Variants in LHCGR observed in about 807,000 individuals in gnomAD.
LHCGR encodes lutropin-choriogonadotropic hormone receptor.
Under a neutral mutation model 60.7 loss-of-function variants are expected in LHCGR, and 55 were observed. That is an observed-to-expected ratio of 0.91 (90% confidence interval 0.73 to 1.13). The LOEUF is 1.13. LHCGR is among the 50% of genes most tolerant of loss of function. The pLI is 0.00. For missense variants in LHCGR, 862 were observed against 836.0 expected (o/e 1.03, Z -0.38); for synonymous variants, 337 against 316.5 (o/e 1.06, Z -0.69).
intron 1 of LHCGR, among the ~76,000 whole-genome samples, chr2:48,754,507 A>G (rs4073656): frequency 0.41 from 62,588 of 151,428 alleles, 13,563 homozygotes; most frequent in Middle Eastern, 0.5. Flanking sequence ...TAAATCCTAC[A>G]CTATAGAATT....
rs747763611 is a variant in LHCGR at position 48,687,774 on chromosome 2, G to T, written c.2023C>A (p.Gln675Lys). The change falls in exon 11 of 11, where the codon CAA becomes AAA. Residue 675 changes from glutamine (Q) to lysine (K), a missense_variant. Physicochemically the swap from Gln to Lys is moderately conservative, Grantham distance 53. Transcript: ENST00000294954. ...AATGTGGACAACTTCAAGGTGGATT[G>T]AGAAGGCTTATTTGATCCAGTGAAG... ...NGFTGSNKPS[Q>K]STLKLSTLHC... The T allele has an allele frequency of 8.1e-6, 13 of 1,614,008 alleles. No homozygotes were observed. The East Asian group carries it at 2.9e-4, about 36-fold the overall frequency.
intron 7 of LHCGR, among the ~76,000 whole-genome samples, chr2:48,710,773 T>C (rs182594343): frequency 1.2e-3 from 187 of 152,336 alleles, no homozygotes; most frequent in African/African-American, 4.4e-3. Flanking sequence ...AGTCAGGTGT[T>C]TGCGAACTTT....
chr2:48,741,194 A>G (rs565774302), intron 1 of LHCGR, among the ~76,000 whole-genome samples: 21 of 152,322 alleles, frequency 1.4e-4, no homozygotes, highest in African/African-American at 4.8e-4. Flanking sequence ...GACTATGTGA[A>G]AAGACCAAAT....
intron 8 of LHCGR, among the ~76,000 whole-genome samples, chr2:48,701,915 C>T (rs1326364590): frequency 7.2e-5 from 11 of 152,144 alleles, no homozygotes; most frequent in Middle Eastern, 3.2e-3. Flanking sequence ...TATTGCTTTG[C>T]GTTTGTTGTT....
At chr2:48,726,066 C>T (rs1036028730) in intron 3 of LHCGR, among the ~76,000 whole-genome samples, 1 of 152,088 alleles carries the variant, frequency 6.6e-6, no homozygotes, top group Non-Finnish European at 1.5e-5. Flanking sequence ...GGCTCCTGGC[C>T]AAGCAGATTC....
At chr2:48,715,843 C>T (rs1020657804) in intron 6 of LHCGR, among the ~76,000 whole-genome samples, 4 of 152,118 alleles carry the variant, frequency 2.6e-5, no homozygotes, top group African/African-American at 9.7e-5. Flanking sequence ...CTTAAGTCTC[C>T]TCGTTAGAGT....
At chr2:48,720,610 CA>C (rs1259225969) in intron 6 of LHCGR, 1 of 152,244 alleles carries the variant, frequency 6.6e-6, no homozygotes, top group Non-Finnish European at 1.5e-5. Flanking sequence ...ATTCCTTAAA[CA>C]GCATGTTTAC....
chr2:48,749,962 G>C (rs767840660), intron 1 of LHCGR, among the ~76,000 whole-genome samples: 2 of 152,208 alleles, frequency 1.3e-5, no homozygotes, highest in African/African-American at 2.4e-5. Context: ...AGGAGTCTGT[G>C]TATCAGCAAG....
At chr2:48,734,178 TA>T in intron 1 of LHCGR, among the ~76,000 whole-genome samples, 1 of 152,314 alleles carries the variant, frequency 6.6e-6, no homozygotes, top group African/African-American at 2.4e-5. Context: ...GGAGAGCCTG[TA>T]GAAGTGAGAG....
intron 6 of LHCGR, among the ~76,000 whole-genome samples, chr2:48,714,740 T>TACAC (rs113272578): frequency 2.8e-4 from 42 of 151,884 alleles, no homozygotes; most frequent in African/African-American, 7.7e-4. Context: ...TACCTATAAA[T>TACAC]ACACACACAC....
intron 8 of LHCGR, among the ~76,000 whole-genome samples, chr2:48,701,643 C>G (rs1478651166): frequency 6.6e-6 from 1 of 152,128 alleles, no homozygotes; most frequent in Non-Finnish European, 1.5e-5. Flanking sequence ...TGAGTTTTCT[C>G]CTCTACAACC....
At chr2:48,742,087 G>T (rs894593502) in intron 1 of LHCGR, among the ~76,000 whole-genome samples, 18 of 151,828 alleles carry the variant, frequency 1.2e-4, no homozygotes, top group Non-Finnish European at 2.6e-4. Flanking sequence ...GATCAAAAGA[G>T]ACAAAAAAGG....
chr2:48,748,905 G>A (rs1359486169), intron 1 of LHCGR, among the ~76,000 whole-genome samples: 1 of 152,150 alleles, frequency 6.6e-6, no homozygotes, highest in Non-Finnish European at 1.5e-5. Context: ...TGCCCAGTCT[G>A]TCCTGTTGAT....
intron 8 of LHCGR, among the ~76,000 whole-genome samples, chr2:48,708,329 C>T (rs955577444): frequency 6.6e-6 from 1 of 152,102 alleles, no homozygotes; most frequent in African/African-American, 2.4e-5. Flanking sequence ...GGGTAGCCAG[C>T]CTCTTTGCCA....
chr2:48,725,886 G>A (rs536802831), intron 3 of LHCGR, 136 bp from the exon 4 acceptor site: 1 of 740,088 alleles, frequency 1.4e-6, no homozygotes, highest in East Asian at 2.6e-5. Flanking sequence ...ATGCTTGGGA[G>A]GACCCCTAGC....
chr2:48,713,931 G>T, intron 7 of LHCGR, 55 bp downstream of exon 7: 2 of 1,293,376 alleles, frequency 1.5e-6, no homozygotes, highest in Non-Finnish European at 2.2e-6. Context: ...TGATCTTGTA[G>T]CCAGAGTAAT....
At chr2:48,711,647 A>G (rs946187458) in intron 7 of LHCGR, among the ~76,000 whole-genome samples, 1 of 152,098 alleles carries the variant, frequency 6.6e-6, no homozygotes, top group Non-Finnish European at 1.5e-5. Flanking sequence ...ACACAGACAT[A>G]CTGTGTTGGT....
At chr2:48,699,406 C>T (rs1030640149) in intron 8 of LHCGR, among the ~76,000 whole-genome samples, 1 of 152,126 alleles carries the variant, frequency 6.6e-6, no homozygotes, top group East Asian at 1.9e-4. Context: ...CTCTTCCTCC[C>T]CACCCTCTCT....
At chr2:48,727,765 G>T (rs916260259) in intron 3 of LHCGR, among the ~76,000 whole-genome samples, 1 of 152,220 alleles carries the variant, frequency 6.6e-6, no homozygotes, top group East Asian at 1.9e-4. Flanking sequence ...TGGCTACACT[G>T]TCATCTCATG....
Sources: gnomAD v4.1 joint callset for allele counts (sites outside exome capture counted in the v4.1 genomes callset) on GRCh38, gnomAD v4.1.1 for gene constraint, MANE v1.5 for transcripts, NCBI Gene and HGNC (gene_info 2026-07-23, HGNC 2026-07-21) for gene names.